The following AGBL1 variants were observed in gnomAD, a reference collection of about 807,000 sequenced individuals.
AGBL1 encodes cytosolic carboxypeptidase 4.
A neutral mutation model predicts 118.9 loss-of-function variants in AGBL1; 130 were observed. The ratio of observed to expected loss-of-function variants is 1.09; its 90% CI spans 0.95 to 1.26. The LOEUF is 1.26. AGBL1 is among the 50% of genes most tolerant of loss of function. The pLI is 0.00. For synonymous variants in AGBL1, 555 were observed against 478.9 expected (o/e 1.16, Z -2.08); for missense variants, 1,584 against 1,298.1 (o/e 1.22, Z -3.38).
chr15:86,200,748 C>G (rs1417490826), intron 5 of AGBL1, among the ~76,000 whole-genome samples: 1 of 151,764 alleles, frequency 6.6e-6, no homozygotes, highest in African/African-American at 2.4e-5. Flanking sequence ...GCCTGAGTAA[C>G]TGGGATTATA....
intron 18 of AGBL1, among the ~76,000 whole-genome samples, chr15:86,517,393 G>A (rs1163259301): frequency 6.6e-6 from 1 of 152,182 alleles, no homozygotes; most frequent in Non-Finnish European, 1.5e-5. Context: ...AGGTAATGTT[G>A]TTGCTCCTCC....
chr15:86,537,344 G>A (rs1249059122), intron 19 of AGBL1, among the ~76,000 whole-genome samples: 1 of 152,248 alleles, frequency 6.6e-6, no homozygotes, highest in African/African-American at 2.4e-5. Context: ...GAGAACTTCA[G>A]TACCTGCAAC....
chr15:86,968,281 T>C lies in AGBL1; in HGVS notation c.3222-19706T>C, dbSNP rs554993814. 1.4e-4 allele frequency among the ~76,000 whole-genome samples: 22 copies of C among 152,024 alleles called. 1 individual carries two copies. The South Asian group carries it at 4.1e-3, about 29-fold the overall frequency. On this transcript the variant is annotated intron_variant, in intron 23 of 24. Coordinates refer to the AGBL1 transcript ENST00000441037. ...AGGGGCCAATAGTCTCTGAGTTTCA[T>C]ATTTGAGCCTCAGATTTGTGTAATT...
intron 21 of AGBL1, among the ~76,000 whole-genome samples, chr15:86,598,759 G>A (rs1366893954): frequency 6.6e-6 from 1 of 152,096 alleles, no homozygotes; most frequent in Non-Finnish European, 1.5e-5. Flanking sequence ...ACATTGAGAT[G>A]ACTTACTGTA....
chr15:86,200,875 G>A (rs1479946194), intron 5 of AGBL1, among the ~76,000 whole-genome samples: 4 of 151,838 alleles, frequency 2.6e-5, no homozygotes, highest in African/African-American at 7.3e-5. Context: ...CTCGGCCTCC[G>A]AAATTGTTAG....
intron 21 of AGBL1, among the ~76,000 whole-genome samples, chr15:86,666,549 C>T (rs2085648602): frequency 6.6e-6 from 1 of 151,860 alleles, no homozygotes; most frequent in Non-Finnish European, 1.5e-5. Flanking sequence ...TGGGTCTTGC[C>T]AAATAATAGG....
intron 22 of AGBL1, among the ~76,000 whole-genome samples, chr15:86,807,306 C>A (rs542754880): frequency 8.5e-5 from 13 of 152,174 alleles, no homozygotes; most frequent in African/African-American, 3.1e-4. Context: ...TTTACTGTGA[C>A]CTACAAATAT....
chr15:86,208,189 A>C (rs906375656), intron 5 of AGBL1, among the ~76,000 whole-genome samples: 1 of 152,138 alleles, frequency 6.6e-6, no homozygotes, highest in Non-Finnish European at 1.5e-5. Flanking sequence ...CATGGTGGAT[A>C]AGCTTTTTGA....
At chr15:86,190,723 A>G (rs2077706179) in intron 5 of AGBL1, among the ~76,000 whole-genome samples, 2 of 152,210 alleles carry the variant, frequency 1.3e-5, no homozygotes, top group African/African-American at 4.8e-5. Flanking sequence ...TAAGGTATCA[A>G]AGAACATGGA....
chr15:86,410,862 A>AT (rs1567242977), intron 18 of AGBL1, among the ~76,000 whole-genome samples: 1 of 107,926 alleles, frequency 9.3e-6, no homozygotes, highest in African/African-American at 3.6e-5. Flanking sequence ...TTTATATATA[A>AT]AATATATAAT....
At chr15:86,716,573 A>G (rs1462723376) in intron 22 of AGBL1, among the ~76,000 whole-genome samples, 1 of 152,192 alleles carries the variant, frequency 6.6e-6, no homozygotes, top group Non-Finnish European at 1.5e-5. Flanking sequence ...AGGGAGCAAG[A>G]AAATAGAAAA....
chr15:86,176,647 A>C (rs924135444), intron 5 of AGBL1, among the ~76,000 whole-genome samples: 10 of 152,138 alleles, frequency 6.6e-5, no homozygotes, highest in African/African-American at 2.4e-4. Flanking sequence ...GTGGAAATTC[A>C]GGGGCTGTTG....
At chr15:86,724,088 T>A (rs1391992258) in intron 22 of AGBL1, among the ~76,000 whole-genome samples, 1 of 151,768 alleles carries the variant, frequency 6.6e-6, no homozygotes, top group Admixed American at 6.6e-5. Context: ...ACAAAAAAAT[T>A]AGCCGGGTGC....
chr15:86,854,666 C>A (rs2079453338), intron 22 of AGBL1, among the ~76,000 whole-genome samples: 1 of 152,074 alleles, frequency 6.6e-6, no homozygotes, highest in Non-Finnish European at 1.5e-5. Context: ...TCTTCTTCAG[C>A]CTTATAATTT....
chr15:86,929,123 C>T (rs2080578072), intron 23 of AGBL1, among the ~76,000 whole-genome samples: 1 of 152,168 alleles, frequency 6.6e-6, no homozygotes. Flanking sequence ...TCCTCCTCCT[C>T]AGTCCACTAT....
intron 22 of AGBL1, among the ~76,000 whole-genome samples, chr15:86,742,371 A>T (rs528719283): frequency 6.6e-6 from 1 of 152,322 alleles, no homozygotes; most frequent in East Asian, 1.9e-4. Flanking sequence ...CAAGAAATAT[A>T]TGACAGAAGT....
chr15:86,796,890 T>A (rs777027597), intron 22 of AGBL1, among the ~76,000 whole-genome samples: 27 of 152,192 alleles, frequency 1.8e-4, no homozygotes, highest in Non-Finnish European at 3.5e-4. Flanking sequence ...TCTTTCTCAC[T>A]ACAAAGTTTA....
intron 1 of AGBL1, among the ~76,000 whole-genome samples, chr15:86,087,005 G>A (rs1895701819): frequency 6.6e-6 from 1 of 152,154 alleles, no homozygotes; most frequent in African/African-American, 2.4e-5. Flanking sequence ...ATGCTAGGGT[G>A]CACCTATGTT....
chr15:86,806,501 C>T (rs1791505712), intron 22 of AGBL1, among the ~76,000 whole-genome samples: 1 of 152,114 alleles, frequency 6.6e-6, no homozygotes, highest in African/African-American at 2.4e-5. Flanking sequence ...TTTCACATTC[C>T]ATGATGATGT....
Sources: gnomAD v4.1 joint callset for allele counts (sites outside exome capture counted in the v4.1 genomes callset) on GRCh38, gnomAD v4.1.1 for gene constraint, MANE v1.5 for transcripts, NCBI Gene and HGNC (gene_info 2026-07-23, HGNC 2026-07-21) for gene names.